DOCK3: variants seen among roughly 807,000 people sequenced by gnomAD.
DOCK3 encodes the protein dedicator of cytokinesis protein 3.
A neutral mutation model predicts 265.6 loss-of-function variants in DOCK3; 60 were observed. The ratio of observed to expected loss-of-function variants is 0.23; its 90% CI spans 0.18 to 0.28. The LOEUF is 0.28. Among genes scored for constraint, DOCK3 ranks in the 10% least tolerant of loss-of-function variants. The pLI, the probability that DOCK3 is intolerant of heterozygous loss-of-function variation, is 1.00. For missense variants in DOCK3, 1,981 were observed against 2,594.3 expected (o/e 0.76, Z 5.14); for synonymous variants, 881 against 938.0 (o/e 0.94, Z 1.11).
intron 1 of DOCK3, among the ~76,000 whole-genome samples, chr3:50,712,605 T>C (rs1425210008): frequency 1.3e-5 from 2 of 152,230 alleles, no homozygotes; most frequent in Non-Finnish European, 2.9e-5. Flanking sequence ...CCCAAAGTGC[T>C]GGGATTACAG....
chr3:51,271,933 CT>C (rs1351791850), intron 24 of DOCK3, among the ~76,000 whole-genome samples: 1 of 151,686 alleles, frequency 6.6e-6, no homozygotes, highest in Non-Finnish European at 1.5e-5. Context: ...CATTCGATAC[CT>C]TTCCAGTCTT....
chr3:50,848,848 T>A (rs920557346), intron 3 of DOCK3, among the ~76,000 whole-genome samples: 2 of 152,190 alleles, frequency 1.3e-5, no homozygotes, highest in African/African-American at 4.8e-5. Context: ...CTAGTAAGAT[T>A]AGGGAAATTT....
intron 2 of DOCK3, among the ~76,000 whole-genome samples, chr3:50,788,994 C>T (rs2042331792): frequency 6.6e-6 from 1 of 151,978 alleles, no homozygotes; most frequent in Admixed American, 6.6e-5. Context: ...TAGTTCTGCT[C>T]TGATCTTTGT....
chr3:50,719,768 A>G, intron 1 of DOCK3: 1 of 1,003,010 alleles, frequency 1.0e-6, no homozygotes, highest in Non-Finnish European at 1.6e-6. Context: ...CAGTGCCATT[A>G]TGGTGTGTGA....
chr3:50,944,406 G>A (rs967652750), intron 5 of DOCK3, among the ~76,000 whole-genome samples: 1 of 152,016 alleles, frequency 6.6e-6, no homozygotes, highest in African/African-American at 2.4e-5. Context: ...CACTTGACTG[G>A]TCTTATAAAA....
Position 51,159,272 on chromosome 3 carries a change from A to T in DOCK3, c.857A>T (p.Asp286Val). Residue 286 changes from aspartate (D) to valine (V), a missense_variant, in exon 11 of 53, where the codon GAT (aspartate) becomes GTT (valine). Coordinates refer to ENST00000266037, the MANE Select transcript of DOCK3 (RefSeq NM_004947.5). The part of the protein sequence containing the change: ...TDLSSKDMKR[D>V]LYIVAHVIRI... ...CTGAGCAGCAAAGATATGAAGAGAG[A>T]TTTGTATATCGTTGCCCATGTGATC... 1 of 1,613,482 alleles carries T rather than the reference A, an allele frequency of 6.2e-7. No homozygotes were observed. The highest frequency in any genetic ancestry group is 8.5e-7 in the Non-Finnish European group (1 of 1,179,562).
At chr3:51,098,024 G>A (rs766343040) in intron 9 of DOCK3, among the ~76,000 whole-genome samples, 8 of 152,162 alleles carry the variant, frequency 5.3e-5, no homozygotes, top group Non-Finnish European at 7.3e-5. Context: ...CGTTGATCTC[G>A]CTGGGAGCTG....
At chr3:50,684,393 C>G (rs1432043228) in intron 1 of DOCK3, among the ~76,000 whole-genome samples, 1 of 152,136 alleles carries the variant, frequency 6.6e-6, no homozygotes, top group Non-Finnish European at 1.5e-5. Context: ...TTTTATTAAT[C>G]CTGATGGTAT....
intron 1 of DOCK3, among the ~76,000 whole-genome samples, chr3:50,714,740 A>G (rs2036992892): frequency 2.0e-5 from 3 of 152,252 alleles, no homozygotes; most frequent in East Asian, 1.9e-4. Flanking sequence ...CCCAGCTTCT[A>G]ACTACCTCTC....
rs1209350709 is a variant in DOCK3 at position 51,382,045 on chromosome 3, C to A, written c.*486C>A. ...TCAGGGATTGCAAGGACCATATAGA[C>A]ATGTCACAGGTGGAAAAAGGGCCAC... On this transcript the variant is annotated 3_prime_UTR_variant, in exon 53 of 53. Transcript: ENST00000266037. 6.5e-6 allele frequency: 1 copy of A among 153,780 alleles called. No homozygotes were observed. Among genetic ancestry groups the A allele is most frequent in the African/African-American group, 2.4e-5 (1 of 41,504 alleles). The allele number at this position is 153,780 out of a possible 1,614,324, so 9.5% of individuals were successfully genotyped here. A position where few individuals can be genotyped will look rare whatever the true frequency, so the allele number is the denominator to read the frequency against.
chr3:51,305,494 T>A (rs1034728445), intron 27 of DOCK3, among the ~76,000 whole-genome samples: 4 of 152,234 alleles, frequency 2.6e-5, no homozygotes, highest in Admixed American at 6.5e-5. Flanking sequence ...ATCATATTTT[T>A]AAATTAATTT....
intron 2 of DOCK3, among the ~76,000 whole-genome samples, chr3:50,802,717 T>C (rs181872156): frequency 1.3e-5 from 2 of 152,272 alleles, no homozygotes; most frequent in African/African-American, 4.8e-5. Flanking sequence ...TTCTTTGTCT[T>C]TGACTTTTGA....
intron 12 of DOCK3, among the ~76,000 whole-genome samples, chr3:51,205,335 AAGAT>A (rs2089126099): frequency 6.6e-6 from 1 of 152,092 alleles, no homozygotes; most frequent in South Asian, 2.1e-4. Flanking sequence ...ATGGAAGAGT[AAGAT>A]AGAGAGGCAT....
intron 2 of DOCK3, among the ~76,000 whole-genome samples, chr3:50,834,709 C>G (rs1349501856): frequency 2.0e-5 from 3 of 152,150 alleles, no homozygotes; most frequent in Non-Finnish European, 4.4e-5. Context: ...TTCCATGTCA[C>G]TATAAGTCAT....
At chr3:51,253,845 T>C (rs199507328) in intron 22 of DOCK3, among the ~76,000 whole-genome samples, 5 of 152,164 alleles carry the variant, frequency 3.3e-5, no homozygotes, top group Non-Finnish European at 1.5e-5. Context: ...TTGAAGGGTT[T>C]TTTGTGTCTC....
chr3:51,378,437 T>A (rs1172999983), intron 51 of DOCK3, among the ~76,000 whole-genome samples: 1 of 152,092 alleles, frequency 6.6e-6, no homozygotes, highest in Non-Finnish European at 1.5e-5. Context: ...GCCTGTCAGC[T>A]CCCATTAGGC....
intron 5 of DOCK3, among the ~76,000 whole-genome samples, chr3:51,021,617 T>C (rs971840835): frequency 2.0e-5 from 3 of 151,988 alleles, no homozygotes; most frequent in African/African-American, 7.2e-5. Context: ...AGAACTTTGA[T>C]TAGAATTGTT....
At chr3:51,063,343 G>C (rs1366253380) in intron 5 of DOCK3, among the ~76,000 whole-genome samples, 1 of 152,190 alleles carries the variant, frequency 6.6e-6, no homozygotes, top group Non-Finnish European at 1.5e-5. Context: ...ACCTGGGAGA[G>C]AGTGAGATCC....
chr3:51,033,948 A>C (rs1274365256), intron 5 of DOCK3, among the ~76,000 whole-genome samples: 3 of 152,142 alleles, frequency 2.0e-5, no homozygotes, highest in Non-Finnish European at 4.4e-5. Context: ...GCCTCACAGT[A>C]AGTTTGATGT....
Sources: allele counts gnomAD v4.1 joint callset (sites outside exome capture counted in the v4.1 genomes callset), GRCh38; gene constraint gnomAD v4.1.1; transcripts MANE v1.5; gene names NCBI Gene and HGNC (gene_info 2026-07-23, HGNC 2026-07-21).